Variants in BRWD1 observed in about 807,000 individuals in gnomAD.
BRWD1 encodes the protein bromodomain and WD repeat-containing protein 1.
Under a neutral mutation model 251.2 loss-of-function variants are expected in BRWD1, and 82 were observed. The observed-to-expected ratio is 0.33, with a 90% confidence interval of 0.27 to 0.39. BRWD1 has a LOEUF of 0.39. Among genes scored for constraint, BRWD1 ranks in the 10% least tolerant of loss-of-function variants. BRWD1 has a pLI of 1.00. For missense variants in BRWD1, 2,233 were observed against 2,711.6 expected, an observed-to-expected ratio of 0.82 and a Z score of 3.92; for synonymous variants, 918 against 902.8, an observed-to-expected ratio of 1.02 and a Z score of -0.30.
chr21:39,202,273 G>T, intron 38 of BRWD1, 52 bp downstream of exon 38: 2 of 1,387,708 alleles, frequency 1.4e-6, no homozygotes, highest in Non-Finnish European at 2.0e-6. Flanking sequence ...AACGGCCAGT[G>T]TTACACATTT....
At chr21:39,251,733 C>T (rs930667501) in intron 19 of BRWD1, among the ~76,000 whole-genome samples, 7 of 152,142 alleles carry the variant, frequency 4.6e-5, no homozygotes, top group Non-Finnish European at 8.8e-5. Context: ...AATTTCACTG[C>T]TTTATGTGTG....
chr21:39,312,163 A>T (rs1003269349), intron 4 of BRWD1, among the ~76,000 whole-genome samples: 1 of 152,252 alleles, frequency 6.6e-6, no homozygotes, highest in African/African-American at 2.4e-5. Context: ...AAGAAATGAG[A>T]CTGTAATGCA....
chr21:39,218,381 A>T, intron 30 of BRWD1, 109 bp from the exon 31 acceptor site: 1 of 1,447,026 alleles, frequency 6.9e-7, no homozygotes, highest in Non-Finnish European at 9.3e-7. Flanking sequence ...TACAGGCTAA[A>T]TTAAAAGATA....
At chr21:39,212,833 C>T in intron 33 of BRWD1, 126 bp from the exon 34 acceptor site, 2 of 636,320 alleles carry the variant, frequency 3.1e-6, no homozygotes, top group Non-Finnish European at 5.1e-6. Context: ...TTATCAAAAT[C>T]TCCAAAGAAA....
chr21:39,228,377 A>G (rs887402939), intron 27 of BRWD1, 123 bp downstream of exon 27: 5 of 661,504 alleles, frequency 7.6e-6, no homozygotes, highest in African/African-American at 7.3e-5. Flanking sequence ...TAGGTCACTT[A>G]TATCTCTTCT....
chr21:39,280,333 G>T, intron 8 of BRWD1, 85 bp from the exon 9 acceptor site: 1 of 1,034,376 alleles, frequency 9.7e-7, no homozygotes, highest in South Asian at 1.5e-5. Flanking sequence ...AACTTCAATT[G>T]ACAGTTTCAG....
In BRWD1 at chr21:39,188,402, G is replaced by C; in HGVS notation, c.*7857C>G. On this transcript the variant is annotated 3_prime_UTR_variant, in exon 41 of 41. Coordinates refer to ENST00000342449, the MANE Select transcript of BRWD1 (RefSeq NM_033656.4). Reference sequence around the variant, plus strand: ...CAGTTGATATCCTCCACCCACACTAGACATCTGGAGGACTCCACCACATTC... The same window carrying C: ...CAGTTGATATCCTCCACCCACACTACACATCTGGAGGACTCCACCACATTC... The C allele has an allele frequency of 1.0e-6, 1 of 985,336 alleles. No individual in the cohort carries two copies. The highest frequency in any genetic ancestry group is 1.2e-6 in the Non-Finnish European group (1 of 829,876). 61.0% of individuals were successfully genotyped at this position (985,336 alleles called of 1,614,324 possible).
intron 4 of BRWD1, among the ~76,000 whole-genome samples, chr21:39,304,939 C>G (rs1452405765): frequency 6.7e-6 from 1 of 150,328 alleles, no homozygotes; most frequent in Non-Finnish European, 1.5e-5. Flanking sequence ...AGCAACAAAT[C>G]CACAGTCATA....
intron 12 of BRWD1, 36 bp downstream of exon 12, chr21:39,276,137 A>G: frequency 6.4e-7 from 1 of 1,561,712 alleles, no homozygotes; most frequent in South Asian, 1.2e-5. Flanking sequence ...TATTTGCCTA[A>G]TAACACACAC....
At position 39,199,397 on chromosome 21, in the gene BRWD1, C is replaced by T; in HGVS notation, c.5019G>A (p.Lys1673=). The change falls in exon 40 of 41, where the codon AAG becomes AAA. Residue 1673 remains lysine, a synonymous_variant. Coordinates refer to ENST00000342449, the MANE Select transcript of BRWD1 (RefSeq NM_033656.4). ...GTTCATCTTCAGAATTATGTAATAA[C>T]TTTTTTCTAGCTACAGCAGAAGCAT... is the stretch of plus-strand genomic sequence containing the variant. The part of the protein sequence containing the change: ...HRNASAVARK[K]LLHNSEDEQS... 6.2e-7 allele frequency: 1 copy of T among 1,614,214 alleles called. No individual in the cohort carries two copies. Among genetic ancestry groups the T allele is most frequent in the Non-Finnish European group, 8.5e-7 (1 of 1,180,040 alleles).
Position 39,308,408 on chromosome 21 carries a change from T to A in BRWD1, c.198+4433A>T, listed in dbSNP as rs777028007. On this transcript the variant is annotated intron_variant, in intron 4 of 40. Coordinates refer to ENST00000342449, the MANE Select transcript of BRWD1 (RefSeq NM_033656.4). ...GAGGCAGGAGAACTGCATGAACCTG[T>A]GAGGCAGAGGTTGCAGTCAGCCAAG... Among the ~76,000 whole-genome samples the A allele has an allele frequency of 4.6e-4, 68 of 148,734 alleles. 1 individual carries two copies. Among genetic ancestry groups the A allele is most frequent in the Middle Eastern group, 7.0e-3 (2 of 284 alleles).
At chr21:39,316,182 G>T (rs1568991969), upstream of BRWD1, among the ~76,000 whole-genome samples, 2 of 152,128 alleles carry the variant, frequency 1.3e-5, no homozygotes, top group Admixed American at 6.6e-5. Flanking sequence ...GATGCATGAG[G>T]GCGTTGGTCA....
chr21:39,206,259 A>G lies in BRWD1; in HGVS notation c.4213T>C (p.Leu1405=), dbSNP rs370171890. 6.3e-7 allele frequency: 1 copy of G among 1,587,444 alleles called. No individual in the cohort carries two copies. The highest frequency in any genetic ancestry group is 2.2e-5 in the East Asian group (1 of 44,706). ...TCTTCAAATAAGGCAGATAATCTCA[A>G]GGTCATACTATAAATCTGCAAGGAT... ...NKRSKIYSMT[L]RLSALFEEKM... is the part of the protein sequence containing the mutation. Residue 1405 remains leucine, a synonymous_variant, in exon 37 of 41, where the codon TTG becomes CTG. Coordinates refer to ENST00000342449, the MANE Select transcript of BRWD1 (RefSeq NM_033656.4).
chr21:39,271,964 A>G (rs2035122158), intron 13 of BRWD1, among the ~76,000 whole-genome samples: 1 of 143,048 alleles, frequency 7.0e-6, no homozygotes, highest in Non-Finnish European at 1.5e-5. Context: ...ACTTGAACCC[A>G]GGAGGCGAAG....
chr21:39,225,252 T>TG (rs2033334066), intron 27 of BRWD1, 55 bp from the exon 28 acceptor site: 3 of 1,260,740 alleles, frequency 2.4e-6, no homozygotes, highest in Non-Finnish European at 3.4e-6. Context: ...TCATTAACAT[T>TG]TTTTTAATCT....
In BRWD1 at chr21:39,290,216, G is replaced by A. The variant is rs117645573; in HGVS notation, c.831+3595C>T. ...TTAAAATCACCCACTGAGGTTGGGC[G>A]AGGTGGCTCACACCTGTAATCCCAG... is the stretch of plus-strand genomic sequence containing the variant. On this transcript the variant is annotated intron_variant, in intron 8 of 40. Transcript: ENST00000342449. Among the ~76,000 whole-genome samples, 566 of 151,478 alleles carry A rather than the reference G, an allele frequency of 3.7e-3. 6 individuals are homozygous for A. Among genetic ancestry groups the A allele is most frequent in the Middle Eastern group, 0.028 (8 of 288 alleles).
chr21:39,320,101 G>T (rs1034973185), intron 1 of BRWD1, among the ~76,000 whole-genome samples: 2 of 152,136 alleles, frequency 1.3e-5, no homozygotes, highest in Non-Finnish European at 2.9e-5. Context: ...TAAAGCCATG[G>T]CTCGCTTGCC....
rs916960025 is a variant in BRWD1 at position 39,202,378 on chromosome 21, G to A, written c.4532C>T (p.Ser1511Leu). 5.0e-6 allele frequency: 8 copies of A among 1,613,780 alleles called. 1 individual carries two copies. The South Asian group carries it at 8.8e-5, about 18-fold the overall frequency. ...TCTATTTCTTTTCCTCCTTTCTGATGATTCTGCTGAATCTGAAGAGTCACC... is the reference window on the plus strand; with the variant it reads ...TCTATTTCTTTTCCTCCTTTCTGATAATTCTGCTGAATCTGAAGAGTCACC... ...TSGDSSDSAESSERRKRNRPI... is the reference protein window; with the variant it reads ...TSGDSSDSAELSERRKRNRPI... Residue 1511 changes from serine to leucine, a missense_variant, in exon 38 of 41, where the codon TCA becomes TTA. Physicochemically the swap from Ser to Leu is moderately radical, Grantham distance 145. Coordinates refer to ENST00000342449, the MANE Select transcript of BRWD1 (RefSeq NM_033656.4).
chr21:39,313,889 G>T (rs1031145521), upstream of BRWD1: 12 of 323,982 alleles, frequency 3.7e-5, no homozygotes, highest in African/African-American at 2.1e-4. Context: ...TGAGGCGGCT[G>T]CCCGGGCTTT....
Sources: allele counts gnomAD v4.1 joint callset (sites outside exome capture counted in the v4.1 genomes callset), GRCh38; gene constraint gnomAD v4.1.1; transcripts MANE v1.5; gene names NCBI Gene and HGNC (gene_info 2026-07-23, HGNC 2026-07-21).